CARD10: variants seen among roughly 807,000 people sequenced by gnomAD.
CARD10 encodes caspase recruitment domain family member 10.
A neutral mutation model predicts 114.6 loss-of-function variants in CARD10; 49 were observed. The observed-to-expected ratio is 0.43, with a 90% confidence interval of 0.34 to 0.54. The LOEUF (loss-of-function observed/expected upper bound fraction) is 0.54, where lower values mean the gene tolerates loss of function less well. CARD10 is among the 20% of genes least tolerant of loss of function. The probability of loss-of-function intolerance (pLI) is 0.03; values close to 1 mark genes in which losing one functional copy is unlikely to be tolerated. For synonymous variants in CARD10, 602 were observed against 593.2 expected (o/e 1.01, Z -0.21); for missense variants, 1,206 against 1,397.2 (o/e 0.86, Z 2.18).
At chr22:37,515,110 C>T (rs1463942614) in intron 3 of CARD10, among the ~76,000 whole-genome samples, 2 of 152,190 alleles carry the variant, frequency 1.3e-5, no homozygotes, top group Non-Finnish European at 2.9e-5. Flanking sequence ...GTCTCAGAGT[C>T]TGTATTTGCA....
chr22:37,518,949 C>A lies in CARD10; in HGVS notation c.235+17G>T. 1.3e-6 allele frequency: 2 copies of A among 1,513,592 alleles called. No individual in the cohort carries two copies. Among genetic ancestry groups the A allele is most frequent in the Non-Finnish European group, 1.8e-6 (2 of 1,130,572 alleles). 93.8% of individuals were successfully genotyped at this position (1,513,592 alleles called of 1,614,324 possible). On this transcript the variant is annotated intron_variant, in intron 1 of 19. Coordinates refer to ENST00000251973, the MANE Select transcript of CARD10 (RefSeq NM_014550.4). The stretch of plus-strand genomic sequence containing the variant: ...CGGCCGGCCCAGGTCGTGGCCCACT[C>A]GGGACCCGCGGCTCACCGGTGCGGT...
intron 3 of CARD10, among the ~76,000 whole-genome samples, chr22:37,515,563 CAAA>C (rs754752709): frequency 1.4e-4 from 10 of 73,684 alleles, no homozygotes; most frequent in Admixed American, 4.5e-4. Flanking sequence ...GACTCCATCT[CAAA>C]AAAAAAAAAA....
intron 1 of CARD10, 132 bp downstream of exon 1, chr22:37,518,834 C>T (rs1165060763): frequency 5.3e-6 from 6 of 1,138,500 alleles, no homozygotes; most frequent in Admixed American, 3.0e-5. Context: ...CATACCCAGC[C>T]GGCCCACTCT....
chr22:37,512,227 G>A (rs921648514), intron 3 of CARD10: 1 of 152,262 alleles, frequency 6.6e-6, no homozygotes, highest in Admixed American at 6.5e-5. Flanking sequence ...CAGTTTGCTG[G>A]ACTATGAGTG....
intron 14 of CARD10, 38 bp from the exon 15 acceptor site, chr22:37,495,624 G>A (rs761010501): frequency 1.2e-6 from 2 of 1,612,504 alleles, no homozygotes; most frequent in Non-Finnish European, 1.7e-6. Context: ...TAGAAAGAAG[G>A]AAAGCTCCTC....
In CARD10 at chr22:37,504,681, G is replaced by T; in HGVS notation, c.1472C>A (p.Ala491Glu). Residue 491 changes from alanine (A) to glutamate (E), a missense_variant, in exon 8 of 20, where the codon GCA becomes GAA. Physicochemically the swap from Ala to Glu is moderately radical, Grantham distance 107 (BLOSUM62 -1). Around this residue, in one of 2 missense-constraint regions of CARD10, gnomAD observed 1,068 missense variants for 1,179.1 expected, o/e 0.91. Coordinates refer to ENST00000251973, the MANE Select transcript of CARD10 (RefSeq NM_014550.4). Reference protein sequence around the residue: ...EFPSPLGGPEATGEAAVMGGP... With the variant: ...EFPSPLGGPEETGEAAVMGGP... ...CCCCATGACAGCTGCCTCCCCAGTT[G>T]CTTCTGGGCCTCCCAGAGGGGAGGG... The T allele has an allele frequency of 6.4e-7, 1 of 1,571,886 alleles. No individual in the cohort carries two copies.
In CARD10 at chr22:37,492,700, A is replaced by G; in HGVS notation, c.2579T>C (p.Ile860Thr). 1 of 1,613,120 alleles carries G rather than the reference A, an allele frequency of 6.2e-7. No individual in the cohort carries two copies. The highest frequency in any genetic ancestry group is 8.5e-7 in the Non-Finnish European group (1 of 1,179,920). Residue 860 changes from isoleucine to threonine, a missense_variant, in exon 17 of 20, where the codon ATC becomes ACC. By Grantham distance (89) the Ile-to-Thr change is moderately conservative. Transcript: ENST00000251973. The surrounding 1 kb of genome is among the most constrained non-coding windows in gnomAD (Gnocchi z 5.7). Reference protein sequence around the residue: ...LLPECLAPRLIRNLLDLPSSR... With the variant: ...LLPECLAPRLTRNLLDLPSSR... The stretch of plus-strand genomic sequence containing the variant: ...GCTGGGCAGGTCTAGCAGGTTACGG[A>G]TGAGCCGGGGCGCCAGGCACTCAGG...
intron 4 of CARD10, chr22:37,508,936 A>C (rs1383769891): frequency 1.3e-6 from 2 of 1,486,260 alleles, no homozygotes; most frequent in East Asian, 5.0e-5. Flanking sequence ...GAAGGGTGTG[A>C]CTGGACAAGT....
intron 5 of CARD10, among the ~76,000 whole-genome samples, 155 bp from the exon 6 acceptor site, chr22:37,508,109 G>A (rs543349052): frequency 6.6e-6 from 1 of 152,264 alleles, no homozygotes; most frequent in South Asian, 2.1e-4. Context: ...CTGAGCCACT[G>A]ACTTTACCTC....
intron 4 of CARD10, chr22:37,509,250 C>A: frequency 3.0e-6 from 3 of 1,009,626 alleles, no homozygotes; most frequent in Non-Finnish European, 4.1e-6. Flanking sequence ...ACTGACCTGC[C>A]GCAGGACACT....
intron 19 of CARD10, 43 bp downstream of exon 19, chr22:37,491,712 C>T: frequency 9.5e-7 from 1 of 1,055,644 alleles, no homozygotes; most frequent in Non-Finnish European, 1.4e-6. Context: ...AGGAAGCTCT[C>T]AGGTCCGAGT....
chr22:37,501,711 T>C lies in CARD10; in HGVS notation c.1787+891A>G, dbSNP rs2016331. Among the ~76,000 whole-genome samples, 9,944 of 152,224 alleles carry C rather than the reference T, an allele frequency of 0.065. 341 individuals carry two copies. Among genetic ancestry groups the C allele is most frequent in the African/African-American group, 0.086 (3,590 of 41,534 alleles). The stretch of plus-strand genomic sequence containing the variant: ...GACCCTGGGCAAGTTGCTTAACCTC[T>C]CTGAGCCCCAGTTACCTCCTCTATG... On this transcript the variant is annotated intron_variant, in intron 11 of 19. Coordinates refer to ENST00000251973, the MANE Select transcript of CARD10 (RefSeq NM_014550.4). This position sits in a 1 kb window ranked among gnomAD's most constrained non-coding sequence, Gnocchi z 5.4.
intron 4 of CARD10, chr22:37,509,255 G>C: frequency 1.0e-6 from 1 of 973,878 alleles, no homozygotes; most frequent in Non-Finnish European, 1.4e-6. Context: ...CCTGCCGCAG[G>C]ACACTAAGCA....
intron 3 of CARD10, among the ~76,000 whole-genome samples, chr22:37,514,014 G>T (rs1923751056): frequency 6.6e-6 from 1 of 150,928 alleles, no homozygotes; most frequent in Non-Finnish European, 1.5e-5. Context: ...TGAGGCAGGA[G>T]AATCGCTTGA....
chr22:37,491,718 C>G (rs746920138), intron 19 of CARD10, 37 bp downstream of exon 19: 1 of 1,145,888 alleles, frequency 8.7e-7, no homozygotes, highest in Admixed American at 1.9e-5. Flanking sequence ...CTCTCAGGTC[C>G]GAGTGCCCTG....
Position 37,519,260 on chromosome 22 carries a change from G to C in CARD10, c.-60C>G. The C allele has an allele frequency of 3.5e-6, 5 of 1,410,358 alleles. No homozygotes were observed. The highest frequency in any genetic ancestry group is 4.6e-6 in the Non-Finnish European group (5 of 1,085,428). 87.4% of individuals were successfully genotyped at this position (1,410,358 alleles called of 1,614,324 possible). ...ACGGGGGTCGACCAGGGCTCCCTAG[G>C]GCTAGATGTGCGGCCAAGCACCCCC... On this transcript the variant is annotated 5_prime_UTR_variant, in exon 1 of 20. Transcript: ENST00000251973. The surrounding 1 kb of genome is among the most constrained non-coding windows in gnomAD (Gnocchi z 4.1).
chr22:37,499,125 T>A (rs935856664), intron 11 of CARD10, among the ~76,000 whole-genome samples: 1 of 152,118 alleles, frequency 6.6e-6, no homozygotes, highest in Non-Finnish European at 1.5e-5. Flanking sequence ...ATGACCTTTT[T>A]GTTCCAGGCA....
chr22:37,494,548 A>G (rs1360419349), intron 15 of CARD10: 3 of 289,132 alleles, frequency 1.0e-5, no homozygotes, highest in African/African-American at 6.6e-5. Context: ...GTCTCTTCCA[A>G]TGAATTAGCA....
intron 10 of CARD10, 115 bp from the exon 11 acceptor site, chr22:37,502,840 CCAGGAGCACAT>C: frequency 8.0e-7 from 1 of 1,255,866 alleles, no homozygotes; most frequent in Non-Finnish European, 1.1e-6. Context: ...GTTTGAGGCC[CCAGGAGCACAT>C]CAGACCCACT....
Sources: gnomAD v4.1 joint callset for allele counts (sites outside exome capture counted in the v4.1 genomes callset) on GRCh38, gnomAD v4.1.1 for gene constraint, gnomAD v4.1.1 regional missense constraint, Gnocchi (gnomAD v3.1) non-coding constraint, MANE v1.5 for transcripts, NCBI Gene and HGNC (gene_info 2026-07-23, HGNC 2026-07-21) for gene names.